Variants in PEPD observed in about 807,000 individuals in gnomAD.
PEPD encodes peptidase D, also known as xaa-Pro dipeptidase.
Under a neutral mutation model 60.7 loss-of-function variants are expected in PEPD, and 53 were observed. The observed-to-expected ratio is 0.87, with a 90% CI of 0.70 to 1.10. PEPD has a LOEUF of 1.10. Ranked by LOEUF, PEPD falls within the 50% of genes least tolerant of loss-of-function variation. The probability of loss-of-function intolerance (pLI) is 0.00; values close to 1 mark genes in which losing one functional copy is unlikely to be tolerated. For missense variants in PEPD, 711 were observed against 711.9 expected, an observed-to-expected ratio of 1.00 and a Z score of 0.01; for synonymous variants, 267 against 284.1, an observed-to-expected ratio of 0.94 and a Z score of 0.60.
At chr19:33,417,570 A>G (rs1968916042) in intron 9 of PEPD, among the ~76,000 whole-genome samples, 1 of 152,068 alleles carries the variant, frequency 6.6e-6, no homozygotes, top group African/African-American at 2.4e-5. Context: ...TAAAATGGGG[A>G]TGATAGCGGT....
intron 9 of PEPD, among the ~76,000 whole-genome samples, chr19:33,453,866 C>T (rs1378059642): frequency 7.9e-5 from 12 of 152,214 alleles, no homozygotes; most frequent in Admixed American, 6.5e-4. Context: ...ACCAAGAACA[C>T]TAGTCTCTGG....
At chr19:33,434,372 G>A (rs1019788096) in intron 9 of PEPD, among the ~76,000 whole-genome samples, 2 of 152,152 alleles carry the variant, frequency 1.3e-5, no homozygotes, top group Non-Finnish European at 2.9e-5. Flanking sequence ...TTGTGTGGAC[G>A]CTGCCAGCTG....
At chr19:33,495,471 C>G (rs1280292270) in intron 4 of PEPD, among the ~76,000 whole-genome samples, 2 of 149,672 alleles carry the variant, frequency 1.3e-5, no homozygotes, top group Non-Finnish European at 3.0e-5. Context: ...GCACTCCAGC[C>G]TGTTGGGTGA....
At chr19:33,485,227 C>T (rs571382640) in intron 6 of PEPD, among the ~76,000 whole-genome samples, 5 of 152,174 alleles carry the variant, frequency 3.3e-5, no homozygotes, top group Non-Finnish European at 7.4e-5. Context: ...GGCGCGCTGA[C>T]TCACACCTGT....
rs1322561718 is a variant in PEPD at position 33,405,644 on chromosome 19, G to A, written c.819-3775C>T. Reference sequence around the variant, plus strand: ...CGAGCTGTGGTCTCCAGGGTGCATGGGCCGGCTGCCTGCTCCCAGCCAGGC... The same window carrying A: ...CGAGCTGTGGTCTCCAGGGTGCATGAGCCGGCTGCCTGCTCCCAGCCAGGC... On this transcript the variant is annotated intron_variant, in intron 11 of 14. Coordinates refer to ENST00000244137, the MANE Select transcript of PEPD (RefSeq NM_000285.4). Among the ~76,000 whole-genome samples, 7 of 152,226 alleles carry A rather than the reference G, an allele frequency of 4.6e-5. No individual in the cohort carries two copies. The East Asian group carries it at 1.3e-3, about 29-fold the overall frequency.
At chr19:33,468,779 G>A (rs573724729) in intron 7 of PEPD, among the ~76,000 whole-genome samples, 7 of 152,292 alleles carry the variant, frequency 4.6e-5, no homozygotes, top group African/African-American at 1.4e-4. Flanking sequence ...AGACTTTCTC[G>A]AATGAACGCC....
At chr19:33,499,473 C>T (rs1254201263) in intron 4 of PEPD, among the ~76,000 whole-genome samples, 1 of 152,170 alleles carries the variant, frequency 6.6e-6, no homozygotes, top group Non-Finnish European at 1.5e-5. Context: ...CCCTGGGTCT[C>T]GGCCACCTCT....
intron 12 of PEPD, among the ~76,000 whole-genome samples, chr19:33,393,080 C>T (rs1016426496): frequency 2.0e-5 from 3 of 151,904 alleles, no homozygotes; most frequent in African/African-American, 7.2e-5. Context: ...TGCCCCCACC[C>T]CCCACACAGA....
intron 9 of PEPD, among the ~76,000 whole-genome samples, chr19:33,436,991 G>A (rs928338387): frequency 6.6e-6 from 1 of 152,200 alleles, no homozygotes; most frequent in Non-Finnish European, 1.5e-5. Context: ...TCCTGGAGGA[G>A]GAGGAAAGAA....
chr19:33,419,472 G>C (rs1470128035), intron 9 of PEPD, among the ~76,000 whole-genome samples: 1 of 152,232 alleles, frequency 6.6e-6, no homozygotes, highest in Non-Finnish European at 1.5e-5. Flanking sequence ...CTGCACAGAG[G>C]ATGCTGCAGT....
At chr19:33,443,978 G>A (rs1414303117) in intron 9 of PEPD, among the ~76,000 whole-genome samples, 7 of 146,752 alleles carry the variant, frequency 4.8e-5, no homozygotes, top group Admixed American at 3.4e-4. Context: ...GCGCGTGCGC[G>A]CGCACACACA....
intron 4 of PEPD, chr19:33,493,538 G>A (rs1454985342): frequency 1.4e-5 from 9 of 652,166 alleles, no homozygotes; most frequent in East Asian, 2.8e-5. Flanking sequence ...CACAGCCATC[G>A]AGGGGCAGAG....
chr19:33,460,769 C>G (rs1183354703), intron 9 of PEPD, among the ~76,000 whole-genome samples: 1 of 152,186 alleles, frequency 6.6e-6, no homozygotes, highest in Non-Finnish European at 1.5e-5. Flanking sequence ...GGAGGCTGCT[C>G]CTGGCTGAGA....
intron 12 of PEPD, among the ~76,000 whole-genome samples, chr19:33,393,010 A>G (rs1185192753): frequency 6.6e-6 from 1 of 152,160 alleles, no homozygotes; most frequent in African/African-American, 2.4e-5. Context: ...CGCCATTCAC[A>G]GCACAGCGCC....
intron 3 of PEPD, among the ~76,000 whole-genome samples, chr19:33,505,305 C>A (rs1021947587): frequency 1.3e-5 from 2 of 152,082 alleles, no homozygotes; most frequent in African/African-American, 4.8e-5. Flanking sequence ...CGGCAGCCAT[C>A]TGAGGATGTT....
At chr19:33,473,943 T>C (rs574288301) in intron 7 of PEPD, among the ~76,000 whole-genome samples, 4 of 152,288 alleles carry the variant, frequency 2.6e-5, no homozygotes, top group Non-Finnish European at 4.4e-5. Context: ...AGGAAATGAA[T>C]GACAGCCGAA....
chr19:33,503,213 G>A (rs1056466662), intron 3 of PEPD, among the ~76,000 whole-genome samples: 5 of 152,172 alleles, frequency 3.3e-5, no homozygotes, highest in African/African-American at 4.8e-5. Context: ...GCCCAGGGAC[G>A]GCTGCAGGGA....
intron 8 of PEPD, 91 bp from the exon 9 acceptor site, chr19:33,463,132 C>T (rs1969960353): frequency 1.2e-6 from 1 of 834,218 alleles, no homozygotes; most frequent in Admixed American, 1.7e-5. Context: ...TCAAAAGCAC[C>T]TCTTCTTTAA....
intron 12 of PEPD, among the ~76,000 whole-genome samples, chr19:33,397,777 C>G (rs1478030331): frequency 6.6e-6 from 1 of 152,168 alleles, no homozygotes; most frequent in African/African-American, 2.4e-5. Flanking sequence ...GCCCCAGACA[C>G]CCCTGCCAGG....
Sources: gnomAD v4.1 joint callset for allele counts (sites outside exome capture counted in the v4.1 genomes callset) on GRCh38, gnomAD v4.1.1 for gene constraint, MANE v1.5 for transcripts, NCBI Gene and HGNC (gene_info 2026-07-23, HGNC 2026-07-21) for gene names.